CRY2: variants seen among roughly 807,000 people sequenced by gnomAD.
The protein encoded by CRY2 is cryptochrome-2.
Under a neutral mutation model 69.5 loss-of-function variants are expected in CRY2, and 31 were observed. The observed-to-expected ratio is 0.45, with a 90% confidence interval of 0.34 to 0.60. The LOEUF (loss-of-function observed/expected upper bound fraction) is 0.60. Among genes scored for constraint, CRY2 ranks in the 20% least tolerant of loss-of-function variants. The pLI is 0.02. For missense variants in CRY2, 606 were observed against 797.8 expected (o/e 0.76, Z 2.90); for synonymous variants, 303 against 312.2 (o/e 0.97, Z 0.31).
upstream of CRY2, chr11:45,847,273 C>T (rs1397989378): frequency 6.4e-7 from 1 of 1,551,582 alleles, no homozygotes; most frequent in Non-Finnish European, 8.7e-7. Context: ...CCGGGCGGAC[C>T]CACACATGGT....
intron 7 of CRY2, 30 bp from the exon 8 acceptor site, chr11:45,870,023 A>G (rs978266161): frequency 3.2e-6 from 5 of 1,568,234 alleles, no homozygotes; most frequent in African/African-American, 1.4e-5. Flanking sequence ...CATGTCCCCA[A>G]GGAGGCTGAT....
intron 5 of CRY2, among the ~76,000 whole-genome samples, chr11:45,864,992 G>A (rs746154806): frequency 1.3e-5 from 2 of 151,840 alleles, no homozygotes; most frequent in Admixed American, 6.6e-5. Flanking sequence ...ACTCCTGACC[G>A]CAAGTGATCC....
intron 2 of CRY2, chr11:45,858,489 C>T (rs1199337473): frequency 2.1e-6 from 1 of 486,308 alleles, no homozygotes; most frequent in African/African-American, 1.9e-5. Context: ...ACAAGGCTGC[C>T]TACCTCTCTC....
intron 9 of CRY2, 129 bp downstream of exon 9, chr11:45,870,661 G>A: frequency 8.2e-7 from 1 of 1,226,318 alleles, no homozygotes; most frequent in South Asian, 1.4e-5. Context: ...ACCTTCGCTG[G>A]GTATGGGACA....
In CRY2 at chr11:45,870,333, A is replaced by T; in HGVS notation, c.1350A>T (p.Arg450=). Reference sequence around the variant, plus strand: ...CATCTGGTGTATCTTATTTCAGGCGATACCTGCCCAAATTGAAAGCGTTCC... The same window carrying T: ...CATCTGGTGTATCTTATTTCAGGCGTTACCTGCCCAAATTGAAAGCGTTCC... ...RTDPSGDYIR[R]YLPKLKAFPS... is the part of the protein sequence containing the mutation. The change falls in exon 9 of 12, where the codon CGA becomes CGT. Residue 450 remains arginine, a synonymous_variant. Coordinates refer to ENST00000616080, the MANE Select transcript of CRY2 (RefSeq NM_021117.5). The T allele has an allele frequency of 1.9e-6, 3 of 1,614,100 alleles. No individual in the cohort carries two copies. The highest frequency in any genetic ancestry group is 2.5e-6 in the Non-Finnish European group (3 of 1,180,022).
At chr11:45,880,483 C>T (rs946077079) in intron 11 of CRY2, among the ~76,000 whole-genome samples, 16 of 152,174 alleles carry the variant, frequency 1.1e-4, no homozygotes. Context: ...CATTGCCTTA[C>T]TCTTCAAAAT....
chr11:45,876,323 A>AG (rs2086424177), intron 11 of CRY2, among the ~76,000 whole-genome samples: 1 of 152,210 alleles, frequency 6.6e-6, no homozygotes, highest in African/African-American at 2.4e-5. Flanking sequence ...CTGATCTGGT[A>AG]GGAAAGCATG....
chr11:45,858,208 T>C (rs527961700), intron 2 of CRY2: 1 of 152,578 alleles, frequency 6.6e-6, no homozygotes, highest in Non-Finnish European at 1.5e-5. Flanking sequence ...CTCTCAGGGC[T>C]GGAACCTATT....
In CRY2 at chr11:45,847,623, C is replaced by G; in HGVS notation, c.133C>G (p.Arg45Gly). The G allele has an allele frequency of 6.2e-7, 1 of 1,602,954 alleles. No individual in the cohort carries two copies. The highest frequency in any genetic ancestry group is 8.5e-7 in the Non-Finnish European group (1 of 1,175,712). The change falls in exon 1 of 12, where the codon CGC becomes GGC. Residue 45 changes from arginine to glycine, a missense_variant. Arg to Gly is a moderately radical substitution (Grantham distance 125). Coordinates refer to ENST00000616080, the MANE Select transcript of CRY2 (RefSeq NM_021117.5). ...HDNPALLAAV[R>G]GARCVRCVYI... ...CAACCCGGCGTTGCTGGCGGCCGTG[C>G]GCGGGGCGCGCTGCGTGCGCTGCGT... is the stretch of plus-strand genomic sequence containing the variant.
rs548568299 is a variant in CRY2 at position 45,849,076 on chromosome 11, C to T, written c.215+1371C>T. On this transcript the variant is annotated intron_variant, in intron 1 of 11. Coordinates refer to ENST00000616080, the MANE Select transcript of CRY2 (RefSeq NM_021117.5). ...TCGGAGCCAGGCAAATGGAATCCGA[C>T]TACCTTCTTGTTACATTGTCACAGA... Among the ~76,000 whole-genome samples the T allele has an allele frequency of 1.9e-4, 29 of 152,334 alleles. No individual in the cohort carries two copies. The East Asian group carries it at 5.4e-3, about 28-fold the overall frequency.
Position 45,882,851 on chromosome 11 carries a change from C to G in CRY2, c.*1940C>G. 2.5e-6 allele frequency: 1 copy of G among 397,318 alleles called. No individual in the cohort carries two copies. The highest frequency in any genetic ancestry group is 3.6e-5 in the East Asian group (1 of 28,042). The allele number at this position is 397,318 out of a possible 1,614,324, so 24.6% of individuals were successfully genotyped here. On this transcript the variant is annotated 3_prime_UTR_variant, in exon 12 of 12. Coordinates refer to ENST00000616080, the MANE Select transcript of CRY2 (RefSeq NM_021117.5). ...CAGGATGATTCCTTTTCCTGCCTGT[C>G]TGCTGCTGGCTCTCTTCCCTAAGGT... is the stretch of plus-strand genomic sequence containing the variant.
Position 45,881,068 on chromosome 11 carries a change from T to C in CRY2, c.*157T>C, listed in dbSNP as rs2086468551. Reference sequence around the variant, plus strand: ...GCAGAGGAGGGAGTGGTGTGCCTGTTTGTGTGTGCATGCATCTGTTGACAC... The same window carrying C: ...GCAGAGGAGGGAGTGGTGTGCCTGTCTGTGTGTGCATGCATCTGTTGACAC... On this transcript the variant is annotated 3_prime_UTR_variant, in exon 12 of 12. Transcript: ENST00000616080. 1 of 152,464 alleles carries C rather than the reference T, an allele frequency of 6.6e-6. No homozygotes were observed. Among genetic ancestry groups the C allele is most frequent in the African/African-American group, 2.4e-5 (1 of 41,452 alleles). The allele number at this position is 152,464 out of a possible 1,614,324, so 9.4% of individuals were successfully genotyped here.
chr11:45,867,493 A>G (rs1024730869), intron 5 of CRY2, 119 bp from the exon 6 acceptor site: 26 of 1,340,166 alleles, frequency 1.9e-5, no homozygotes, highest in African/African-American at 1.0e-4. Flanking sequence ...ACAGTGTTCC[A>G]TGGCTCCATG....
intron 11 of CRY2, among the ~76,000 whole-genome samples, chr11:45,879,393 C>T (rs1418007992): frequency 6.6e-6 from 1 of 152,240 alleles, no homozygotes; most frequent in Admixed American, 6.5e-5. Flanking sequence ...GAATCCTTGT[C>T]TCCAATGTCT....
intron 5 of CRY2, among the ~76,000 whole-genome samples, chr11:45,866,085 G>A (rs568530449): frequency 2.6e-5 from 4 of 152,346 alleles, no homozygotes; most frequent in African/African-American, 4.8e-5. Flanking sequence ...GGGGACAAAG[G>A]TGATGGCTAG....
intron 10 of CRY2, 111 bp downstream of exon 10, chr11:45,871,045 C>T: frequency 1.2e-6 from 1 of 830,780 alleles, no homozygotes. Context: ...TATATTCCAC[C>T]TGGGGCAGTC....
At chr11:45,864,575 G>GCCTGCC (rs2134639381) in intron 5 of CRY2, among the ~76,000 whole-genome samples, 1 of 150,112 alleles carries the variant, frequency 6.7e-6, no homozygotes, top group Admixed American at 6.6e-5. Flanking sequence ...TCCTGCCTGG[G>GCCTGCC]TGACAGAGAG....
chr11:45,882,579 G>A lies in CRY2; in HGVS notation c.*1668G>A. 2.5e-6 allele frequency: 1 copy of A among 399,126 alleles called. No homozygotes were observed. The highest frequency in any genetic ancestry group is 4.4e-5 in the Admixed American group (1 of 22,742). 24.7% of individuals were successfully genotyped at this position (399,126 alleles called of 1,614,324 possible). On this transcript the variant is annotated 3_prime_UTR_variant, in exon 12 of 12. Transcript: ENST00000616080. ...AGAGAGCTGCCTTTAGAGTCCAACT[G>A]TTGTACGTATGTCACCTTCACTAGA... is the stretch of plus-strand genomic sequence containing the variant.
At chr11:45,861,814 G>A in intron 4 of CRY2, 1 of 476,284 alleles carries the variant, frequency 2.1e-6, no homozygotes. Context: ...TGAAAAGGCA[G>A]GAGGTCCGGG....
Sources: allele counts gnomAD v4.1 joint callset (sites outside exome capture counted in the v4.1 genomes callset), GRCh38; gene constraint gnomAD v4.1.1; transcripts MANE v1.5; gene names NCBI Gene and HGNC (gene_info 2026-07-23, HGNC 2026-07-21).